The following UBR2 variants were observed in gnomAD, a reference collection of about 807,000 sequenced individuals.
UBR2 encodes ubiquitin protein ligase E3 component n-recognin 2.
In UBR2, 92 loss-of-function variants were observed where a neutral mutation model predicts 247.9. That is an observed-to-expected ratio of 0.37 (90% confidence interval 0.31 to 0.44). The LOEUF (loss-of-function observed/expected upper bound fraction) is 0.44. UBR2 is among the 20% of genes least tolerant of loss of function. UBR2 has a pLI of 1.00. For missense variants in UBR2, 1,613 were observed against 2,112.6 expected (o/e 0.76, Z 4.64); for synonymous variants, 672 against 693.5 (o/e 0.97, Z 0.49).
chr6:42,599,849 G>T (rs550457477), intron 4 of UBR2, among the ~76,000 whole-genome samples: 15 of 152,140 alleles, frequency 9.9e-5, no homozygotes, highest in Middle Eastern at 3.4e-3. Context: ...TTCTGCCTCT[G>T]CCTCTGAAAG....
At chr6:42,605,121 C>T (rs17287873) in intron 5 of UBR2, among the ~76,000 whole-genome samples, 66,415 of 151,904 alleles carry the variant, frequency 0.44, 14,555 homozygotes, top group African/African-American at 0.48. Flanking sequence ...TCTCCCCCTT[C>T]TTCCTTGTGC....
Position 42,689,784 on chromosome 6 carries a change from G to A in UBR2, c.5126+114G>A, listed in dbSNP as rs983967109. ...TCTGGAAGAGGTGGCTGTGTTATCT[G>A]TGGAGTCTTCCAAGGAGGGTGCCCT... On this transcript the variant is annotated intron_variant, in intron 46 of 46. Transcript: ENST00000372901. The surrounding 1 kb of genome is among the most constrained non-coding windows in gnomAD (Gnocchi z 4.0). The A allele has an allele frequency of 1.4e-4, 135 of 932,908 alleles. 2 individuals carry two copies. Among genetic ancestry groups the A allele is most frequent in the South Asian group, 1.2e-3 (83 of 71,558 alleles). 57.8% of individuals were successfully genotyped at this position (932,908 alleles called of 1,614,324 possible).
chr6:42,659,548 C>CT lies in UBR2; in HGVS notation c.3243-108_3243-107insT. 1.3e-6 allele frequency: 1 copy of CT among 751,666 alleles called. No homozygotes were observed. Among genetic ancestry groups the CT allele is most frequent in the Non-Finnish European group, 2.2e-6 (1 of 462,486 alleles). The allele number at this position is 751,666 out of a possible 1,614,324, so 46.6% of individuals were successfully genotyped here. A position where few individuals can be genotyped will look rare whatever the true frequency, so the allele number is the denominator to read the frequency against. Reference sequence around the variant, plus strand: ...ACACACACACACACACACACACACACACACACACACACACTACACACACAC... The same window carrying CT: ...ACACACACACACACACACACACACACTACACACACACACACTACACACACAC... On this transcript the variant is annotated intron_variant, in intron 29 of 46. Transcript: ENST00000372901. This position sits in a 1 kb window ranked among gnomAD's most constrained non-coding sequence, Gnocchi z 4.3.
chr6:42,597,265 T>G (rs1379981528), intron 4 of UBR2, among the ~76,000 whole-genome samples: 2 of 152,046 alleles, frequency 1.3e-5, no homozygotes. Flanking sequence ...AGACAAAGAA[T>G]AAAGCCTTCC....
At chr6:42,614,994 A>G (rs570098944) in intron 8 of UBR2, 77 bp from the exon 9 acceptor site, 3 of 1,262,278 alleles carry the variant, frequency 2.4e-6, no homozygotes, top group Non-Finnish European at 3.4e-6. Context: ...CTACAGATCC[A>G]TTTGAACATC....
intron 2 of UBR2, among the ~76,000 whole-genome samples, chr6:42,591,031 C>A (rs1253124356): frequency 6.6e-6 from 1 of 152,192 alleles, no homozygotes; most frequent in Non-Finnish European, 1.5e-5. Context: ...GCAGGCAGAT[C>A]ACTTGAGGCC....
intron 2 of UBR2, among the ~76,000 whole-genome samples, chr6:42,591,852 T>G (rs1792683733): frequency 6.6e-6 from 1 of 152,212 alleles, no homozygotes; most frequent in South Asian, 2.1e-4. Context: ...TGTGTTTTAA[T>G]GTGTAATGTG....
chr6:42,654,085 T>C (rs1797288188), intron 25 of UBR2, among the ~76,000 whole-genome samples: 1 of 152,190 alleles, frequency 6.6e-6, no homozygotes, highest in African/African-American at 2.4e-5. Context: ...TTTGGAGCCC[T>C]CCTCGGGAGG....
At chr6:42,688,108 T>C in intron 44 of UBR2, 108 bp from the exon 45 acceptor site, 1 of 1,306,444 alleles carries the variant, frequency 7.7e-7, no homozygotes, top group Middle Eastern at 2.0e-4. Flanking sequence ...TATACACTTC[T>C]TTGGCTTTAC....
At chr6:42,627,416 G>C (rs1326393065) in intron 11 of UBR2, among the ~76,000 whole-genome samples, 1 of 152,120 alleles carries the variant, frequency 6.6e-6, no homozygotes, top group Non-Finnish European at 1.5e-5. Context: ...CTAATTTGTT[G>C]GTTTTACAAA....
At chr6:42,579,367 A>G (rs1791730524) in intron 2 of UBR2, among the ~76,000 whole-genome samples, 1 of 152,148 alleles carries the variant, frequency 6.6e-6, no homozygotes, top group Non-Finnish European at 1.5e-5. Flanking sequence ...CCCTCCCATG[A>G]TTCAGTCACC....
In UBR2 at chr6:42,656,459, T is replaced by G. The variant is rs1041900661; in HGVS notation, c.2872+736T>G. On this transcript the variant is annotated intron_variant, in intron 26 of 46. Transcript: ENST00000372901. ...TCCTTTTCACCCAGCCCCATTTGTATTTGAGTACCACCTCGCTTTCCAGCC... is the reference window on the plus strand; with the variant it reads ...TCCTTTTCACCCAGCCCCATTTGTAGTTGAGTACCACCTCGCTTTCCAGCC... Among the ~76,000 whole-genome samples, 7 of 152,234 alleles carry G rather than the reference T, an allele frequency of 4.6e-5. No individual in the cohort carries two copies. The South Asian group carries it at 1.4e-3, about 31-fold the overall frequency.
At chr6:42,645,943 G>A (rs994431018) in intron 21 of UBR2, among the ~76,000 whole-genome samples, 31 of 152,112 alleles carry the variant, frequency 2.0e-4, no homozygotes, top group Admixed American at 1.4e-3. Flanking sequence ...CTAGTATATT[G>A]AGGAAGGGAG....
At chr6:42,630,185 CT>C (rs771762360) in intron 11 of UBR2, among the ~76,000 whole-genome samples, 1,490 of 137,814 alleles carry the variant, frequency 0.011, 3 homozygotes, top group Non-Finnish European at 0.016. Flanking sequence ...TTATTATTTA[CT>C]TTTTTTTTTT....
chr6:42,628,976 A>G (rs1312863746), intron 11 of UBR2, among the ~76,000 whole-genome samples: 1 of 152,114 alleles, frequency 6.6e-6, no homozygotes, highest in Admixed American at 6.6e-5. Context: ...TATGAATCAT[A>G]TAAAATGAAT....
chr6:42,569,643 A>G (rs1324002982), intron 1 of UBR2, among the ~76,000 whole-genome samples: 2 of 152,202 alleles, frequency 1.3e-5, no homozygotes, highest in Non-Finnish European at 2.9e-5. Context: ...ATTAACTTAC[A>G]TGTTGCTTAT....
At chr6:42,587,042 A>ACTC in intron 2 of UBR2, among the ~76,000 whole-genome samples, 1 of 151,710 alleles carries the variant, frequency 6.6e-6, no homozygotes, top group South Asian at 2.1e-4. Context: ...CTGGTCTTGA[A>ACTC]CTCCTGACCT....
At chr6:42,645,687 T>TAGATTTTACAATTG in intron 21 of UBR2, 97 bp downstream of exon 21, 1 of 1,295,316 alleles carries the variant, frequency 7.7e-7, no homozygotes, top group Non-Finnish European at 1.1e-6. Flanking sequence ...TTTCTCACAA[T>TAGATTTTACAATTG]TGTAAAATCT....
At chr6:42,690,910 CAG>C in intron 46 of UBR2, 120 bp from the exon 47 acceptor site, 1 of 1,258,256 alleles carries the variant, frequency 7.9e-7, no homozygotes, top group Non-Finnish European at 1.1e-6. Context: ...ACCTGCCAGA[CAG>C]AAATGTTGCA....
Sources: allele counts gnomAD v4.1 joint callset (sites outside exome capture counted in the v4.1 genomes callset), GRCh38; gene constraint gnomAD v4.1.1; non-coding constraint Gnocchi (gnomAD v3.1); transcripts MANE v1.5; gene names NCBI Gene and HGNC (gene_info 2026-07-23, HGNC 2026-07-21).